Variants in RDX observed in about 807,000 individuals in gnomAD.
RDX encodes deafness, autosomal recessive 24.
A neutral mutation model predicts 83.7 loss-of-function variants in RDX; 32 were observed. The observed-to-expected ratio is 0.38, with a 90% CI of 0.29 to 0.51. The LOEUF (loss-of-function observed/expected upper bound fraction) is 0.51, where lower values mean the gene tolerates loss of function less well. Ranked by LOEUF, RDX falls within the 20% of genes least tolerant of loss-of-function variation. The pLI, the probability that RDX is intolerant of heterozygous loss-of-function variation, is 0.87. For missense variants in RDX, 600 were observed against 689.9 expected (o/e 0.87, Z 1.46); for synonymous variants, 229 against 222.7 (o/e 1.03, Z -0.25).
chr11:110,294,262 G>A (rs999703712), intron 1 of RDX, among the ~76,000 whole-genome samples: 3 of 152,184 alleles, frequency 2.0e-5, no homozygotes, highest in Admixed American at 1.3e-4. Flanking sequence ...GGGCATGGTG[G>A]CGCACGCCTG....
intron 1 of RDX, chr11:110,287,027 A>G (rs1383966813): frequency 1.3e-5 from 2 of 152,230 alleles, no homozygotes; most frequent in African/African-American, 4.8e-5. Flanking sequence ...CTTTTTTAAT[A>G]CTTTAAGTAA....
intron 15 of RDX, among the ~76,000 whole-genome samples, chr11:110,176,156 G>A (rs1016443518): frequency 2.0e-5 from 3 of 151,434 alleles, no homozygotes; most frequent in African/African-American, 7.3e-5. Context: ...CGTGACCTCG[G>A]CTCACTGTAC....
intron 15 of RDX, chr11:110,199,490 T>G: frequency 1.5e-6 from 1 of 682,056 alleles, no homozygotes; most frequent in Non-Finnish European, 2.7e-6. Flanking sequence ...TCAGATTTTA[T>G]GAGGTCCCAC....
At chr11:110,208,166 C>T (rs1273973025) in intron 14 of RDX, among the ~76,000 whole-genome samples, 1 of 152,058 alleles carries the variant, frequency 6.6e-6, no homozygotes, top group African/African-American at 2.4e-5. Flanking sequence ...CCACACAGAG[C>T]ATCTGAAAAA....
intron 9 of RDX, among the ~76,000 whole-genome samples, chr11:110,250,908 T>C (rs754609007): frequency 2.6e-5 from 4 of 152,198 alleles, no homozygotes; most frequent in Non-Finnish European, 4.4e-5. Context: ...CTCAGTGATA[T>C]CTAGTTTTTG....
chr11:110,285,823 C>T (rs1591186267), intron 1 of RDX, among the ~76,000 whole-genome samples: 1 of 151,042 alleles, frequency 6.6e-6, no homozygotes, highest in Non-Finnish European at 1.5e-5. Context: ...CATAAAATGT[C>T]ACATGGAAAA....
At chr11:110,294,740 C>T (rs1040218522) in intron 1 of RDX, among the ~76,000 whole-genome samples, 1 of 151,832 alleles carries the variant, frequency 6.6e-6, no homozygotes. Context: ...AACAAAAGGA[C>T]AGACTCAACG....
At chr11:110,196,686 G>A (rs1171773411) in intron 15 of RDX, among the ~76,000 whole-genome samples, 2 of 152,190 alleles carry the variant, frequency 1.3e-5, no homozygotes, top group Non-Finnish European at 2.9e-5. Flanking sequence ...GAATCCAGGA[G>A]GGAGGACCTG....
At chr11:110,283,864 TAA>T (rs67648080) in intron 1 of RDX, among the ~76,000 whole-genome samples, 43,180 of 151,656 alleles carry the variant, frequency 0.28, 6,593 homozygotes, top group Middle Eastern at 0.35. Context: ...AATACCAAAA[TAA>T]AAAAGAGTAG....
chr11:110,203,304 A>C (rs574743444), intron 14 of RDX, among the ~76,000 whole-genome samples: 5 of 152,090 alleles, frequency 3.3e-5, no homozygotes, highest in Non-Finnish European at 7.4e-5. Context: ...GTGGGATCTA[A>C]AAATAAAAAT....
intron 2 of RDX, chr11:110,272,911 C>T (rs1196004260): frequency 8.4e-6 from 4 of 478,562 alleles, no homozygotes; most frequent in Admixed American, 2.3e-5. Context: ...CATTATTCAC[C>T]TAAGGACACG....
intron 3 of RDX, among the ~76,000 whole-genome samples, chr11:110,269,276 C>T (rs1340455900): frequency 6.6e-6 from 1 of 152,128 alleles, no homozygotes; most frequent in African/African-American, 2.4e-5. Flanking sequence ...CCAAGTCTAG[C>T]CTAAAAATAT....
At chr11:110,242,540 G>C (rs1865142374) in intron 10 of RDX, among the ~76,000 whole-genome samples, 1 of 150,506 alleles carries the variant, frequency 6.6e-6, no homozygotes, top group Non-Finnish European at 1.5e-5. Context: ...ACAAAAAAGA[G>C]AAATAAGTCT....
intron 15 of RDX, among the ~76,000 whole-genome samples, chr11:110,197,023 C>T (rs1426297627): frequency 1.3e-5 from 2 of 152,156 alleles, no homozygotes; most frequent in South Asian, 2.1e-4. Flanking sequence ...CTCAGCCTCC[C>T]GAGTAGCTGG....
chr11:110,285,826 A>C (rs1456165357), intron 1 of RDX, among the ~76,000 whole-genome samples: 1 of 151,976 alleles, frequency 6.6e-6, no homozygotes, highest in Admixed American at 6.6e-5. Context: ...AAAATGTCAC[A>C]TGGAAAACAA....
chr11:110,211,342 G>T (rs1314706890), intron 14 of RDX, among the ~76,000 whole-genome samples: 74 of 151,982 alleles, frequency 4.9e-4, no homozygotes, highest in African/African-American at 1.8e-3. Flanking sequence ...AGCAAGTCGT[G>T]AGTGACCTAC....
In RDX at chr11:110,295,959, T is replaced by G. The variant is rs10789761; in HGVS notation, c.-65+508A>C. Among the ~76,000 whole-genome samples the G allele has an allele frequency of 3.3e-5, 5 of 152,120 alleles. No homozygotes were observed. The East Asian group carries it at 5.8e-4, about 18-fold the overall frequency. ...GCGGAACGCACGCTCTCTAGTAATTTAACACCCCTCCTTTCAAACTGGAGG... is the reference window on the plus strand; with the variant it reads ...GCGGAACGCACGCTCTCTAGTAATTGAACACCCCTCCTTTCAAACTGGAGG... On this transcript the variant is annotated intron_variant, in intron 1 of 13. Transcript: ENST00000645495.
chr11:110,222,133 T>A (rs2134278034), intron 14 of RDX, among the ~76,000 whole-genome samples: 1 of 152,326 alleles, frequency 6.6e-6, no homozygotes, highest in Middle Eastern at 3.4e-3. Flanking sequence ...ATATCTAATT[T>A]TTAAGAGCTA....
intron 15 of RDX, among the ~76,000 whole-genome samples, chr11:110,184,401 T>G (rs1432458745): frequency 6.6e-6 from 1 of 152,198 alleles, no homozygotes; most frequent in Non-Finnish European, 1.5e-5. Context: ...ATGTTCCTCC[T>G]GGTGTAGGGA....
Sources: allele counts gnomAD v4.1 joint callset (sites outside exome capture counted in the v4.1 genomes callset), GRCh38; gene constraint gnomAD v4.1.1; transcripts MANE v1.5; gene names NCBI Gene and HGNC (gene_info 2026-07-23, HGNC 2026-07-21).